The following ESR1 variants were observed in gnomAD, a reference collection of about 807,000 sequenced individuals.
ESR1 encodes estrogen receptor.
Under a neutral mutation model 52.7 loss-of-function variants are expected in ESR1, and 12 were observed. The ratio of observed to expected loss-of-function variants is 0.23; its 90% confidence interval spans 0.15 to 0.37. The LOEUF (loss-of-function observed/expected upper bound fraction) is 0.37, where lower values mean the gene tolerates loss of function less well. ESR1 is among the 10% of genes least tolerant of loss of function. The pLI, the probability that ESR1 is intolerant of heterozygous loss-of-function variation, is 1.00. For synonymous variants in ESR1, 305 were observed against 316.8 expected (o/e 0.96, Z 0.39); for missense variants, 584 against 779.7 (o/e 0.75, Z 2.99).
At chr6:151,829,128 A>T (rs1781976875) in intron 1 of ESR1, among the ~76,000 whole-genome samples, 1 of 152,226 alleles carries the variant, frequency 6.6e-6, no homozygotes, top group South Asian at 2.1e-4. Flanking sequence ...ATTTTACATG[A>T]TGCCCAACTT....
intron 2 of ESR1, among the ~76,000 whole-genome samples, chr6:151,866,022 G>A (rs1583797790): frequency 6.6e-6 from 1 of 152,224 alleles, no homozygotes; most frequent in Admixed American, 6.5e-5. Flanking sequence ...CCCAGGTGGT[G>A]TAGACCTTAA....
intron 3 of ESR1, among the ~76,000 whole-genome samples, chr6:151,936,765 C>T (rs568772290): frequency 3.9e-5 from 6 of 152,262 alleles, no homozygotes; most frequent in Admixed American, 3.3e-4. Flanking sequence ...GGTGAGCCTT[C>T]TGATTGTTTC....
At position 151,850,780 on chromosome 6, in the gene ESR1, T is replaced by A. The variant is rs185018578; in HGVS notation, c.643+7993T>A. On this transcript the variant is annotated intron_variant, in intron 2 of 7. Coordinates refer to ENST00000206249, the MANE Select transcript of ESR1 (RefSeq NM_000125.4). The stretch of plus-strand genomic sequence containing the variant: ...CTTATTGCAGCCTCTGGCTCTGACG[T>A]TTCCAGAGCTGTTGCATAGCTCTAT... Among the ~76,000 whole-genome samples the A allele has an allele frequency of 5.9e-5, 9 of 152,294 alleles. No homozygotes were observed. The East Asian group carries it at 9.7e-4, about 16-fold the overall frequency.
At chr6:151,842,527 G>T (rs2128233710) in intron 1 of ESR1, 70 bp from the exon 2 acceptor site, 2 of 1,293,754 alleles carry the variant, frequency 1.5e-6, no homozygotes, top group Non-Finnish European at 2.2e-6. Context: ...AAGTGGATCT[G>T]CTGCATCTCC....
chr6:151,703,121 C>T (rs1201441401), intron 2 of ESR1, among the ~76,000 whole-genome samples: 20 of 152,206 alleles, frequency 1.3e-4, no homozygotes, highest in Admixed American at 1.3e-3. Context: ...GCAAATATTA[C>T]TCAGCGTGGT....
In ESR1 at chr6:152,059,428, C is replaced by T. The variant is rs2047374125; in HGVS notation, c.1236-1563C>T. On this transcript the variant is annotated intron_variant, in intron 5 of 7. Coordinates refer to ENST00000206249, the MANE Select transcript of ESR1 (RefSeq NM_000125.4). ...TTAAATGTTTTGCAGAAGAAAATACCAGGAACAACATCAGAAGAAAAAACA... is the reference window on the plus strand; with the variant it reads ...TTAAATGTTTTGCAGAAGAAAATACTAGGAACAACATCAGAAGAAAAAACA... Among the ~76,000 whole-genome samples the T allele has an allele frequency of 2.6e-5, 4 of 151,124 alleles. No homozygotes were observed. In the East Asian group the frequency reaches 7.7e-4, roughly 29 times the overall value.
At chr6:152,122,400 T>A (rs1051375789) in intron 6 of ESR1, 2 of 1,613,888 alleles carry the variant, frequency 1.2e-6, no homozygotes, top group Non-Finnish European at 1.7e-6. Flanking sequence ...ATCCTCCTTA[T>A]GCTACCAGCA....
chr6:152,087,889 A>G (rs180937366), intron 6 of ESR1, among the ~76,000 whole-genome samples: 185 of 152,332 alleles, frequency 1.2e-3, no homozygotes, highest in African/African-American at 4.0e-3. Flanking sequence ...GCTTCCAATC[A>G]TCAGGTTTGG....
At chr6:151,992,109 TTG>T (rs1463567499) in intron 4 of ESR1, among the ~76,000 whole-genome samples, 7 of 152,158 alleles carry the variant, frequency 4.6e-5, no homozygotes, top group African/African-American at 1.7e-4. Flanking sequence ...AGGGCAGAAA[TTG>T]TGTCTTATTC....
intron 5 of ESR1, among the ~76,000 whole-genome samples, chr6:152,036,691 C>T (rs972350915): frequency 6.6e-6 from 1 of 152,076 alleles, no homozygotes; most frequent in Non-Finnish European, 1.5e-5. Flanking sequence ...AATGTTTTAG[C>T]GAGAGTCATG....
At chr6:151,876,966 T>TAA (rs149235762) in intron 2 of ESR1, among the ~76,000 whole-genome samples, 64 of 149,424 alleles carry the variant, frequency 4.3e-4, no homozygotes, top group Admixed American at 9.3e-4. Context: ...TCTTTTCAGT[T>TAA]AAAAAAAAAC....
chr6:152,022,791 G>C (rs2043785504), intron 5 of ESR1, among the ~76,000 whole-genome samples: 1 of 146,662 alleles, frequency 6.8e-6, no homozygotes, highest in Admixed American at 6.7e-5. Flanking sequence ...GACCAACATG[G>C]AGAAACCCTG....
intron 5 of ESR1, among the ~76,000 whole-genome samples, chr6:152,020,042 A>C (rs976782685): frequency 2.0e-5 from 3 of 152,222 alleles, no homozygotes; most frequent in Admixed American, 1.3e-4. Context: ...TCTGCTCAAA[A>C]GCAGGGCATT....
At chr6:151,882,074 T>G (rs929192756) in intron 3 of ESR1, among the ~76,000 whole-genome samples, 2 of 152,060 alleles carry the variant, frequency 1.3e-5, no homozygotes, top group African/African-American at 2.4e-5. Context: ...GAGAACAAAA[T>G]TTCAATGAAA....
intron 3 of ESR1, among the ~76,000 whole-genome samples, chr6:151,928,994 G>A (rs1040656470): frequency 1.3e-5 from 2 of 152,028 alleles, no homozygotes; most frequent in East Asian, 1.9e-4. Flanking sequence ...ATCTTGGTGC[G>A]TATTCCATCA....
intron 5 of ESR1, among the ~76,000 whole-genome samples, chr6:152,038,218 A>G (rs1364949781): frequency 6.6e-6 from 1 of 152,206 alleles, no homozygotes; most frequent in African/African-American, 2.4e-5. Flanking sequence ...AAGCCAGAAG[A>G]CAGCCAGTCT....
At chr6:151,843,170 G>A (rs1784563170) in intron 2 of ESR1, among the ~76,000 whole-genome samples, 1 of 152,212 alleles carries the variant, frequency 6.6e-6, no homozygotes, top group African/African-American at 2.4e-5. Context: ...GGTATATGCT[G>A]TTAATTGTCC....
chr6:152,040,015 A>C (rs773860008), intron 5 of ESR1, among the ~76,000 whole-genome samples: 2 of 152,244 alleles, frequency 1.3e-5, no homozygotes, highest in Non-Finnish European at 2.9e-5. Context: ...CAGGATAGGC[A>C]AACCCATATC....
intron 2 of ESR1, among the ~76,000 whole-genome samples, chr6:151,855,425 G>T (rs1787648321): frequency 6.6e-6 from 1 of 151,960 alleles, no homozygotes; most frequent in African/African-American, 2.4e-5. Flanking sequence ...ATTTCTCCCT[G>T]TTTCACTCTT....
Sources: gnomAD v4.1 joint callset for allele counts (sites outside exome capture counted in the v4.1 genomes callset) on GRCh38, gnomAD v4.1.1 for gene constraint, MANE v1.5 for transcripts, NCBI Gene and HGNC (gene_info 2026-07-23, HGNC 2026-07-21) for gene names.